The following PHGDH variants were observed in gnomAD, a reference collection of about 807,000 sequenced individuals.
PHGDH encodes the protein D-3-phosphoglycerate dehydrogenase.
Under a neutral mutation model 52.6 loss-of-function variants are expected in PHGDH, and 50 were observed. The ratio of observed to expected loss-of-function variants is 0.95; its 90% CI spans 0.76 to 1.20. The LOEUF (loss-of-function observed/expected upper bound fraction) is 1.20. Among genes scored for constraint, PHGDH ranks in the 50% most tolerant of loss-of-function variants. PHGDH has a pLI of 0.00. For missense variants in PHGDH, 630 were observed against 684.6 expected (o/e 0.92, Z 0.89); for synonymous variants, 271 against 280.5 (o/e 0.97, Z 0.34).
In PHGDH at chr1:119,741,804, C is replaced by T. The variant is rs587662790; in HGVS notation, c.1116C>T (p.Pro372=). 216 of 1,612,394 alleles carry T rather than the reference C, an allele frequency of 1.3e-4. 2 individuals carry two copies. The South Asian group carries it at 2.0e-3, about 15-fold the overall frequency. ...SLKNAGNCLS[P]AVIVGLLKEA... ...AGAATGCTGGGAACTGCCTAAGCCC[C>T]GCAGTCATTGTCGGCCTCCTGAAAG... The change falls in exon 10 of 12, where the codon CCC becomes CCT. Residue 372 remains proline (P), a synonymous_variant. Coordinates refer to ENST00000641023, the MANE Select transcript of PHGDH (RefSeq NM_006623.4).
intron 1 of PHGDH, chr1:119,720,966 T>C: frequency 1.6e-6 from 1 of 619,184 alleles, no homozygotes; most frequent in Non-Finnish European, 3.0e-6. Flanking sequence ...CACAGTCTCC[T>C]CCACTCTAAG....
Position 119,726,939 on chromosome 1 carries a change from T to C in PHGDH, c.411+34T>C, listed in dbSNP as rs777505069. ...CGGCCTTGACTCGCCCCACCTGGGCTCAGGGCCCGGGGTCCACTCATGTTG... is the reference window on the plus strand; with the variant it reads ...CGGCCTTGACTCGCCCCACCTGGGCCCAGGGCCCGGGGTCCACTCATGTTG... On this transcript the variant is annotated intron_variant, in intron 4 of 11. Coordinates refer to ENST00000641023, the MANE Select transcript of PHGDH (RefSeq NM_006623.4). 4 of 1,611,430 alleles carry C rather than the reference T, an allele frequency of 2.5e-6. No individual in the cohort carries two copies. The South Asian group carries it at 3.3e-5, about 13-fold the overall frequency.
chr1:119,734,864 C>A, intron 6 of PHGDH, 98 bp downstream of exon 6: 1 of 1,356,964 alleles, frequency 7.4e-7, no homozygotes, highest in Non-Finnish European at 1.0e-6. Flanking sequence ...TGGTAACCAG[C>A]TGTGGGGAGA....
intron 11 of PHGDH, among the ~76,000 whole-genome samples, chr1:119,743,273 T>G (rs921651670): frequency 7.9e-5 from 12 of 152,122 alleles, no homozygotes; most frequent in Admixed American, 4.6e-4. Flanking sequence ...ATGGCAGGGG[T>G]GGGGCCATAG....
chr1:119,713,363 T>G (rs1650789038), intron 1 of PHGDH: 1 of 152,404 alleles, frequency 6.6e-6, no homozygotes, highest in Non-Finnish European at 1.5e-5. Flanking sequence ...CCTTTGTATC[T>G]GCTGGCGTGG....
At chr1:119,725,165 A>C (rs1651351290) in intron 3 of PHGDH, among the ~76,000 whole-genome samples, 1 of 152,196 alleles carries the variant, frequency 6.6e-6, no homozygotes, top group Admixed American at 6.5e-5. Flanking sequence ...CTCCTCCTCT[A>C]GTAAGTCAGG....
chr1:119,734,833 A>G (rs1356957819), intron 6 of PHGDH, 67 bp downstream of exon 6: 2 of 1,540,152 alleles, frequency 1.3e-6, no homozygotes, highest in Admixed American at 1.7e-5. Context: ...TGGGCCCTCC[A>G]TCTGGGCCTT....
At chr1:119,740,714 G>T (rs1652165021) in intron 9 of PHGDH, among the ~76,000 whole-genome samples, 196 bp downstream of exon 9, 1 of 152,212 alleles carries the variant, frequency 6.6e-6, no homozygotes, top group African/African-American at 2.4e-5. Flanking sequence ...TCGTTGGAAA[G>T]ATGTACTGAA....
intron 1 of PHGDH, chr1:119,712,500 G>C: frequency 2.7e-6 from 1 of 365,666 alleles, no homozygotes; most frequent in Non-Finnish European, 5.3e-6. Flanking sequence ...GCCTTAGCGC[G>C]CAATTGTTCT....
intron 2 of PHGDH, 143 bp from the exon 3 acceptor site, chr1:119,723,233 A>G (rs587667798): frequency 9.4e-6 from 7 of 746,346 alleles, no homozygotes; most frequent in South Asian, 7.3e-5. Flanking sequence ...GCGAGAGTAC[A>G]TCAGAGAACT....
chr1:119,716,219 A>C (rs919529929), intron 1 of PHGDH, among the ~76,000 whole-genome samples: 4 of 152,262 alleles, frequency 2.6e-5, no homozygotes, highest in African/African-American at 9.6e-5. Context: ...CCTGAGTGAC[A>C]GTTTCTGCCC....
At chr1:119,740,666 A>C in intron 9 of PHGDH, 148 bp downstream of exon 9, 2 of 648,078 alleles carry the variant, frequency 3.1e-6, no homozygotes, top group Non-Finnish European at 2.7e-6. Context: ...CTCCCTTACT[A>C]CTGGTGGGAG....
chr1:119,743,763 G>A (rs1557983519), intron 11 of PHGDH, 123 bp from the exon 12 acceptor site: 1 of 805,372 alleles, frequency 1.2e-6, no homozygotes, highest in Non-Finnish European at 2.2e-6. Context: ...CTTTGATTCT[G>A]AGACCATCAT....
At position 119,737,223 on chromosome 1, in the gene PHGDH, T is replaced by C. The variant is rs1424694135; in HGVS notation, c.902T>C (p.Val301Ala). 5.6e-6 allele frequency: 9 copies of C among 1,614,010 alleles called. No homozygotes were observed. Among genetic ancestry groups the C allele is most frequent in the South Asian group, 1.1e-5 (1 of 91,076 alleles). ...AQSRCGEEIA[V>A]QFVDMVKGKS... Reference sequence around the variant, plus strand: ...AGCCGCTGTGGGGAGGAAATTGCTGTTCAGTTCGTGGACATGGTGAAGGGG... The same window carrying C: ...AGCCGCTGTGGGGAGGAAATTGCTGCTCAGTTCGTGGACATGGTGAAGGGG... Residue 301 changes from valine to alanine, a missense_variant, in exon 8 of 12, where the codon GTT (valine) becomes GCT (alanine). Val to Ala is a moderately conservative substitution (Grantham distance 64). Transcript: ENST00000641023.
rs750368565 is a variant in PHGDH, at chr1:119,721,200, AC to A, written c.171del (p.Lys58ArgfsTer2). 3.1e-6 allele frequency: 5 copies of A among 1,614,058 alleles called. No individual in the cohort carries two copies. Among genetic ancestry groups the A allele is most frequent in the Non-Finnish European group, 4.2e-6 (5 of 1,180,032 alleles). ...TGAAGGCCTTATTGTTCGCTCTGCC[AC>A]CAAGGTGACCGCTGATGTCATCAAC... Reference protein sequence around the residue: ...DCEGLIVRSATKVTADVINAA... With the variant: ...DCEGLIVRSAXKVTADVINAA... On this transcript the variant is annotated frameshift_variant, in exon 2 of 12. Transcript: ENST00000641023. LOFTEE classifies it high-confidence loss of function.
rs587752123 is a variant in PHGDH, at chr1:119,724,547, GC to G, written c.356+1111del. The G allele has an allele frequency of 8.2e-4, 299 of 363,346 alleles. 1 individual carries two copies. Among genetic ancestry groups the G allele is most frequent in the African/African-American group, 5.7e-3 (267 of 46,926 alleles). The allele number at this position is 363,346 out of a possible 1,614,324, so 22.5% of individuals were successfully genotyped here. On this transcript the variant is annotated intron_variant, in intron 3 of 11. Coordinates refer to ENST00000641023, the MANE Select transcript of PHGDH (RefSeq NM_006623.4). The stretch of plus-strand genomic sequence containing the variant: ...GCAGTAGGGTCTCAGCCTAGAAGGG[GC>G]CCCCAGGCTGGCAGCCGGGTTCTCC...
chr1:119,737,320 G>C lies in PHGDH; in HGVS notation c.945+54G>C. On this transcript the variant is annotated intron_variant, in intron 8 of 11. Coordinates refer to ENST00000641023, the MANE Select transcript of PHGDH (RefSeq NM_006623.4). ...CAGGAGTCAGAGGGAGGAGAGGAAG[G>C]AAGGCATCTTGTAGGGGCTGGTGGC... 3.9e-6 allele frequency: 6 copies of C among 1,519,460 alleles called. No homozygotes were observed. In the Admixed American group the frequency reaches 1.0e-4, roughly 26 times the overall value. 94.1% of individuals were successfully genotyped at this position (1,519,460 alleles called of 1,614,324 possible).
intron 1 of PHGDH, among the ~76,000 whole-genome samples, chr1:119,715,385 A>G (rs149871159): frequency 8.7e-4 from 132 of 152,362 alleles, no homozygotes; most frequent in African/African-American, 2.9e-3. Context: ...ATTTCTTTAA[A>G]ATAGGAAGTT....
At chr1:119,731,198 GA>G (rs1381616648) in intron 5 of PHGDH, among the ~76,000 whole-genome samples, 3 of 152,188 alleles carry the variant, frequency 2.0e-5, no homozygotes, top group African/African-American at 7.2e-5. Flanking sequence ...ATGGCTTCCG[GA>G]GCAAGGGAGG....
Sources: allele counts gnomAD v4.1 joint callset (sites outside exome capture counted in the v4.1 genomes callset), GRCh38; gene constraint gnomAD v4.1.1; transcripts MANE v1.5; gene names NCBI Gene and HGNC (gene_info 2026-07-23, HGNC 2026-07-21).